The following SGCZ variants were observed in gnomAD, a reference collection of about 807,000 sequenced individuals.
SGCZ encodes zeta-sarcoglycan.
In SGCZ, 40 loss-of-function variants were observed where a neutral mutation model predicts 41.3. The observed-to-expected ratio is 0.97, with a 90% confidence interval of 0.75 to 1.26. The LOEUF (loss-of-function observed/expected upper bound fraction) is 1.26, where lower values mean the gene tolerates loss of function less well. Among genes scored for constraint, SGCZ ranks in the 50% most tolerant of loss-of-function variants. The probability of loss-of-function intolerance (pLI) is 0.00; values close to 1 mark genes in which losing one functional copy is unlikely to be tolerated. For synonymous variants in SGCZ, 206 were observed against 137.5 expected, an observed-to-expected ratio of 1.50 and a Z score of -3.49; for missense variants, 552 against 369.8, an observed-to-expected ratio of 1.49 and a Z score of -4.04.
chr8:14,633,436 A>G (rs1806724196), intron 1 of SGCZ, among the ~76,000 whole-genome samples: 1 of 152,032 alleles, frequency 6.6e-6, no homozygotes, highest in Non-Finnish European at 1.5e-5. Flanking sequence ...CTATTACTTA[A>G]CATATAACAA....
chr8:14,818,030 T>C (rs934909909), intron 1 of SGCZ, among the ~76,000 whole-genome samples: 1 of 152,182 alleles, frequency 6.6e-6, no homozygotes, highest in African/African-American at 2.4e-5. Context: ...ACAGCAATTC[T>C]GACTCTCTGG....
chr8:15,074,440 G>A (rs1171498476), intron 1 of SGCZ, among the ~76,000 whole-genome samples: 1 of 152,056 alleles, frequency 6.6e-6, no homozygotes, highest in African/African-American at 2.4e-5. Flanking sequence ...TGCTGTAGGA[G>A]TCTCTTGCCT....
chr8:14,214,361 TG>T, intron 4 of SGCZ, among the ~76,000 whole-genome samples: 1 of 152,128 alleles, frequency 6.6e-6, no homozygotes, highest in Non-Finnish European at 1.5e-5. Flanking sequence ...ATATCTTCCA[TG>T]GGATACCGGA....
intron 1 of SGCZ, among the ~76,000 whole-genome samples, chr8:14,855,586 G>C (rs1005007029): frequency 3.9e-5 from 6 of 152,096 alleles, no homozygotes; most frequent in African/African-American, 7.2e-5. Flanking sequence ...CCACCAAGTA[G>C]ATTTTGTTTT....
At chr8:14,451,592 T>C (rs1800594805) in intron 2 of SGCZ, among the ~76,000 whole-genome samples, 1 of 152,134 alleles carries the variant, frequency 6.6e-6, no homozygotes, top group Admixed American at 6.5e-5. Context: ...AAAAGACAGA[T>C]CTGATAAAGG....
At chr8:14,744,796 A>C (rs1323391256) in intron 1 of SGCZ, among the ~76,000 whole-genome samples, 1 of 152,140 alleles carries the variant, frequency 6.6e-6, no homozygotes, top group Non-Finnish European at 1.5e-5. Context: ...TCCACATGGC[A>C]ATTATGTACC....
intron 1 of SGCZ, among the ~76,000 whole-genome samples, chr8:15,076,920 A>C (rs956312348): frequency 1.3e-5 from 2 of 152,186 alleles, no homozygotes; most frequent in Non-Finnish European, 2.9e-5. Context: ...ACCTTCATAG[A>C]ATATGCTTCA....
intron 2 of SGCZ, among the ~76,000 whole-genome samples, chr8:14,543,769 T>G (rs537974818): frequency 1.3e-5 from 2 of 152,278 alleles, no homozygotes; most frequent in Non-Finnish European, 2.9e-5. Context: ...ATAAATAATC[T>G]TAGATCTATC....
At chr8:15,069,537 G>A (rs28605251) in intron 1 of SGCZ, among the ~76,000 whole-genome samples, 25,611 of 151,968 alleles carry the variant, frequency 0.17, 2,510 homozygotes, top group African/African-American at 0.27. Flanking sequence ...GCAGTATACT[G>A]GCCCAATATG....
At chr8:15,194,659 G>A (rs1478329713) in intron 1 of SGCZ, among the ~76,000 whole-genome samples, 1 of 152,144 alleles carries the variant, frequency 6.6e-6, no homozygotes, top group African/African-American at 2.4e-5. Flanking sequence ...GAGACAGAAA[G>A]GGAGAGAGAT....
At chr8:14,554,664 T>C in intron 2 of SGCZ, 68 bp downstream of exon 2, 1 of 1,297,340 alleles carries the variant, frequency 7.7e-7, no homozygotes, top group Non-Finnish European at 1.0e-6. Flanking sequence ...GATTAAAAAA[T>C]TAAAGTAACA....
intron 1 of SGCZ, among the ~76,000 whole-genome samples, chr8:14,867,917 TAAA>T (rs199588948): frequency 1.5e-5 from 2 of 132,850 alleles, no homozygotes. Flanking sequence ...ACTTAAAAGT[TAAA>T]AAAAAAAAAA....
chr8:14,873,165 C>G (rs1804228633), intron 1 of SGCZ, among the ~76,000 whole-genome samples: 1 of 152,024 alleles, frequency 6.6e-6, no homozygotes, highest in South Asian at 2.1e-4. Flanking sequence ...ACATAGTTAT[C>G]AGACAGAATC....
intron 1 of SGCZ, among the ~76,000 whole-genome samples, chr8:14,702,679 T>A (rs1258021040): frequency 6.6e-6 from 1 of 151,628 alleles, no homozygotes; most frequent in African/African-American, 2.4e-5. Context: ...GGGTCACTGA[T>A]GACTTTCTCT....
Position 14,108,218 on chromosome 8 carries a change from A to C in SGCZ, c.565T>G (p.Phe189Val). The stretch of plus-strand genomic sequence containing the variant: ...TGCGGCGTCTCCACAGAGTGCCCAA[A>C]TACGGCTCCTTCAGTGCCTGGGGGT... ...LKVTGTEGAV[F>V]GHSVETPHIR... The change falls in exon 6 of 8, where the codon TTT becomes GTT. Residue 189 changes from phenylalanine (F) to valine (V), a missense_variant. Physicochemically the swap from Phe to Val is conservative, Grantham distance 50. Transcript: ENST00000382080. 6.2e-7 allele frequency: 1 copy of C among 1,614,120 alleles called. No individual in the cohort carries two copies. Among genetic ancestry groups the C allele is most frequent in the African/African-American group, 1.3e-5 (1 of 75,024 alleles).
At chr8:14,221,657 CGGGTGTGGT>C in intron 4 of SGCZ, among the ~76,000 whole-genome samples, 1 of 152,214 alleles carries the variant, frequency 6.6e-6, no homozygotes, top group African/African-American at 2.4e-5. Flanking sequence ...GAAGTGGGGT[CGGGTGTGGT>C]GGCTCATGCC....
At chr8:14,152,846 T>C (rs1323176064) in intron 5 of SGCZ, among the ~76,000 whole-genome samples, 1 of 152,076 alleles carries the variant, frequency 6.6e-6, no homozygotes, top group Admixed American at 6.5e-5. Flanking sequence ...CAATTAGAAA[T>C]AAGAATGAAA....
intron 3 of SGCZ, among the ~76,000 whole-genome samples, chr8:14,301,529 A>C (rs1051405582): frequency 6.6e-6 from 1 of 152,156 alleles, no homozygotes; most frequent in African/African-American, 2.4e-5. Context: ...GAAAGGAACA[A>C]AATTTCAACC....
intron 1 of SGCZ, among the ~76,000 whole-genome samples, chr8:14,963,961 A>T (rs2130855205): frequency 6.6e-6 from 1 of 152,284 alleles, no homozygotes; most frequent in East Asian, 1.9e-4. Flanking sequence ...ATAGCCCTCA[A>T]ATGATAGCAC....
Sources: allele counts gnomAD v4.1 joint callset (sites outside exome capture counted in the v4.1 genomes callset), GRCh38; gene constraint gnomAD v4.1.1; transcripts MANE v1.5; gene names NCBI Gene and HGNC (gene_info 2026-07-23, HGNC 2026-07-21).